COL13A1: variants seen among roughly 807,000 people sequenced by gnomAD.
COL13A1 encodes collagen type XIII alpha 1 chain.
COL13A1 carries 89 observed loss-of-function variants against 130.9 expected under a neutral mutation model. The ratio of observed to expected loss-of-function variants is 0.68; its 90% CI spans 0.57 to 0.81. The LOEUF (loss-of-function observed/expected upper bound fraction) is 0.81. Ranked by LOEUF, COL13A1 falls within the 30% of genes least tolerant of loss-of-function variation. COL13A1 has a pLI of 0.00. For synonymous variants in COL13A1, 402 were observed against 341.6 expected, an observed-to-expected ratio of 1.18 and a Z score of -1.95; for missense variants, 879 against 934.6, an observed-to-expected ratio of 0.94 and a Z score of 0.78.
intron 14 of COL13A1, among the ~76,000 whole-genome samples, chr10:69,900,356 G>A (rs545340259): frequency 3.5e-4 from 54 of 152,244 alleles, no homozygotes; most frequent in South Asian, 2.5e-3. Flanking sequence ...ACTATCCCCC[G>A]CTTTACAAAG....
rs1170435412 is a variant in COL13A1, at chr10:69,902,759, C to T, written c.762C>T (p.Ser254=). The T allele has an allele frequency of 1.3e-6, 2 of 1,552,878 alleles. 1 individual carries two copies. The highest frequency in any genetic ancestry group is 2.4e-5 in the South Asian group (2 of 83,626). Residue 254 remains serine, a synonymous_variant, in exon 15 of 41, where the codon AGC becomes AGT. Transcript: ENST00000645393. Reference sequence around the variant, plus strand: ...TCCATGAACCTCAGGGCGAACAGAGCCAGGCCAGCATCCAAGGTCCACCAG... The same window carrying T: ...TCCATGAACCTCAGGGCGAACAGAGTCAGGCCAGCATCCAAGGTCCACCAG... ...IKRRTFQGEQ[S]QASIQGPPGP...
Position 69,917,331 on chromosome 10 carries a change from A to G in COL13A1, c.964A>G (p.Lys322Glu). The G allele has an allele frequency of 6.2e-7, 1 of 1,613,276 alleles. No individual in the cohort carries two copies. The highest frequency in any genetic ancestry group is 8.5e-7 in the Non-Finnish European group (1 of 1,179,586). Reference sequence around the variant, plus strand: ...AGGGATGCCAGGCAAGCATGGAGCCAAGGTACCTCCCCCTTCCCCACATCC... The same window carrying G: ...AGGGATGCCAGGCAAGCATGGAGCCGAGGTACCTCCCCCTTCCCCACATCC... ...MPGMPGKHGA[K>E]GAPGIAVAGM... The change falls in exon 18 of 41, where the codon AAG (lysine) becomes GAG (glutamate). Residue 322 changes from lysine (K) to glutamate (E), a missense_variant and splice_region_variant. Lys to Glu is a moderately conservative substitution (Grantham distance 56). Coordinates refer to ENST00000645393, the MANE Select transcript of COL13A1 (RefSeq NM_001368882.1).
chr10:69,925,003 C>A lies in COL13A1; in HGVS notation c.1325C>A (p.Pro442His). Residue 442 changes from proline (P) to histidine (H), a missense_variant, in exon 25 of 41, where the codon CCC (proline) becomes CAC (histidine). Around this residue, in one of 3 missense-constraint regions of COL13A1, gnomAD observed 715 missense variants for 721.0 expected, o/e 0.99. Transcript: ENST00000645393. ...GCTGGAGAACAGGGACCAGATGGCC[C>A]CAAGGTATGTGCCTCTCCCTCCTGG... Reference protein sequence around the residue: ...GAAGEQGPDGPKGSKGEPGKG... With the variant: ...GAAGEQGPDGHKGSKGEPGKG... 1 of 1,585,736 alleles carries A rather than the reference C, an allele frequency of 6.3e-7. No individual in the cohort carries two copies. The highest frequency in any genetic ancestry group is 2.3e-5 in the East Asian group (1 of 43,584).
At chr10:69,873,933 G>C (rs1220354850) in intron 4 of COL13A1, among the ~76,000 whole-genome samples, 1 of 152,142 alleles carries the variant, frequency 6.6e-6, no homozygotes, top group Admixed American at 6.5e-5. Context: ...AACATCAAAG[G>C]CCAGGCACTG....
At chr10:69,880,882 C>A (rs1273953465) in intron 7 of COL13A1, among the ~76,000 whole-genome samples, 1 of 152,218 alleles carries the variant, frequency 6.6e-6, no homozygotes, top group East Asian at 1.9e-4. Context: ...TGGGGTGATC[C>A]GGCTTTCCCG....
intron 2 of COL13A1, among the ~76,000 whole-genome samples, chr10:69,845,256 G>A (rs908670162): frequency 2.0e-5 from 3 of 149,630 alleles, no homozygotes; most frequent in African/African-American, 4.9e-5. Flanking sequence ...GCAGTGGCGT[G>A]ATCTCCACTC....
At chr10:69,892,641 T>C (rs2134721973) in intron 10 of COL13A1, among the ~76,000 whole-genome samples, 1 of 152,282 alleles carries the variant, frequency 6.6e-6, no homozygotes, top group East Asian at 1.9e-4. Context: ...CAGTGGCGGT[T>C]AGCACAGGCC....
chr10:69,931,539 C>T (rs771736808), intron 30 of COL13A1, among the ~76,000 whole-genome samples: 12 of 152,156 alleles, frequency 7.9e-5, no homozygotes, highest in Non-Finnish European at 1.6e-4. Context: ...GAATTCTCCT[C>T]TAGGAAGTGG....
At chr10:69,897,163 C>T (rs901383368) in intron 13 of COL13A1, among the ~76,000 whole-genome samples, 6 of 151,920 alleles carry the variant, frequency 3.9e-5, no homozygotes, top group Non-Finnish European at 8.8e-5. Flanking sequence ...CTCTGGGGAA[C>T]ATGTCAAGCG....
At chr10:69,885,689 C>T (rs2060534017) in intron 7 of COL13A1, among the ~76,000 whole-genome samples, 1 of 152,222 alleles carries the variant, frequency 6.6e-6, no homozygotes, top group South Asian at 2.1e-4. Flanking sequence ...TCCTCTCCTC[C>T]TGACCTTTTC....
intron 17 of COL13A1, among the ~76,000 whole-genome samples, chr10:69,910,680 G>A (rs2063275746): frequency 6.6e-6 from 1 of 152,168 alleles, no homozygotes; most frequent in Admixed American, 6.5e-5. Flanking sequence ...GCACCCATGT[G>A]GTATCTATTT....
At chr10:69,876,159 C>T (rs1032056577) in intron 5 of COL13A1, among the ~76,000 whole-genome samples, 2 of 152,224 alleles carry the variant, frequency 1.3e-5, no homozygotes, top group Non-Finnish European at 2.9e-5. Flanking sequence ...TCAGACTTCA[C>T]AAGAACTGCA....
chr10:69,943,765 A>C (rs2068023270), intron 35 of COL13A1, among the ~76,000 whole-genome samples: 1 of 152,110 alleles, frequency 6.6e-6, no homozygotes, highest in African/African-American at 2.4e-5. Flanking sequence ...GCTGCAAAGC[A>C]AAGAGGGTGC....
rs1331472971 is a variant in COL13A1 at position 69,808,410 on chromosome 10, C to CATGTGAAGGAAATG, written c.294+5693_294+5694insATGTGAAGGAAATG. Among the ~76,000 whole-genome samples the CATGTGAAGGAAATG allele has an allele frequency of 1.4e-4, 21 of 152,336 alleles. 1 individual carries two copies. In the Middle Eastern group the frequency reaches 0.014, roughly 99 times the overall value. ...TTCCTAGGTTGTGCCAGACATTTAG[C>CATGTGAAGGAAATG]TCAGAGAAGGAAAATAGACATAGCA... On this transcript the variant is annotated intron_variant, in intron 1 of 40. Transcript: ENST00000645393.
At position 69,923,940 on chromosome 10, in the gene COL13A1, C is replaced by A. The variant is rs1032902782; in HGVS notation, c.1284+85C>A. ...TCATCCCGGCCGACCCTAGGGGTAT[C>A]CCTCAGGGCACAAGGCTGACCGGCC... is the stretch of plus-strand genomic sequence containing the variant. On this transcript the variant is annotated intron_variant, in intron 24 of 40. Transcript: ENST00000645393. 5 of 1,528,546 alleles carry A rather than the reference C, an allele frequency of 3.3e-6. No homozygotes were observed. In the African/African-American group the frequency reaches 6.9e-5, roughly 21 times the overall value. The allele number at this position is 1,528,546 out of a possible 1,614,324, so 94.7% of individuals were successfully genotyped here.
At chr10:69,925,782 T>C in intron 25 of COL13A1, 22 bp from the exon 26 acceptor site, 1 of 1,577,238 alleles carries the variant, frequency 6.3e-7, no homozygotes, top group Non-Finnish European at 8.6e-7. Context: ...GGCCGTGGGT[T>C]GAGATCTCAT....
At chr10:69,949,931 T>TGTGTGC (rs1491201713) in intron 38 of COL13A1, among the ~76,000 whole-genome samples, 1 of 99,348 alleles carries the variant, frequency 1.0e-5, no homozygotes. Flanking sequence ...CACGCATGTT[T>TGTGTGC]GTGTGTGTGT....
intron 12 of COL13A1, 137 bp from the exon 13 acceptor site, chr10:69,895,413 G>C: frequency 1.1e-6 from 1 of 913,734 alleles, no homozygotes; most frequent in Non-Finnish European, 1.8e-6. Context: ...GCCTCAGAGG[G>C]CTCAGACCAA....
At chr10:69,928,628 T>C (rs1444359347) in intron 27 of COL13A1, among the ~76,000 whole-genome samples, 2 of 152,228 alleles carry the variant, frequency 1.3e-5, no homozygotes, top group Non-Finnish European at 2.9e-5. Context: ...TAAGTCATTA[T>C]TGGGGAAGGT....
Sources: gnomAD v4.1 joint callset for allele counts (sites outside exome capture counted in the v4.1 genomes callset) on GRCh38, gnomAD v4.1.1 for gene constraint, gnomAD v4.1.1 regional missense constraint, MANE v1.5 for transcripts, NCBI Gene and HGNC (gene_info 2026-07-23, HGNC 2026-07-21) for gene names.